UST: variants seen among roughly 807,000 people sequenced by gnomAD.
UST encodes chondroitin sulfate 2-O-sulfotransferase.
Under a neutral mutation model 45.6 loss-of-function variants are expected in UST, and 21 were observed. That is an observed-to-expected ratio of 0.46 (90% CI 0.33 to 0.66). The LOEUF (loss-of-function observed/expected upper bound fraction) is 0.66, where lower values mean the gene tolerates loss of function less well. UST is among the 30% of genes least tolerant of loss of function. The pLI is 0.02. For missense variants in UST, 463 were observed against 512.4 expected, an observed-to-expected ratio of 0.90 and a Z score of 0.93; for synonymous variants, 215 against 200.6, an observed-to-expected ratio of 1.07 and a Z score of -0.61.
chr6:148,957,500 C>T (rs1326703428), intron 4 of UST, among the ~76,000 whole-genome samples: 3 of 152,090 alleles, frequency 2.0e-5, no homozygotes, highest in African/African-American at 2.4e-5. Flanking sequence ...TGGAGTGCAG[C>T]GGTGCAATCT....
chr6:149,036,127 G>C (rs1776236700), intron 7 of UST, among the ~76,000 whole-genome samples: 1 of 152,196 alleles, frequency 6.6e-6, no homozygotes, highest in Admixed American at 6.5e-5. Flanking sequence ...AATCGGTATG[G>C]AGCCTCTGCC....
intron 7 of UST, among the ~76,000 whole-genome samples, chr6:149,070,663 CAT>C (rs957967863): frequency 3.5e-4 from 54 of 152,238 alleles, no homozygotes; most frequent in African/African-American, 1.3e-3. Context: ...TTGATACAGG[CAT>C]GCAATGCATA....
intron 7 of UST, among the ~76,000 whole-genome samples, chr6:149,030,828 A>C (rs1345297155): frequency 6.6e-6 from 1 of 152,152 alleles, no homozygotes; most frequent in African/African-American, 2.4e-5. Flanking sequence ...TTGAGAATAG[A>C]TCTGTTTGAC....
intron 2 of UST, among the ~76,000 whole-genome samples, chr6:148,888,129 G>A (rs1344852780): frequency 1.3e-5 from 2 of 152,280 alleles, no homozygotes; most frequent in East Asian, 3.9e-4. Context: ...GAGGCTTCAG[G>A]AAACTTTCAA....
chr6:148,819,250 A>G (rs1562267060), intron 1 of UST, among the ~76,000 whole-genome samples: 1 of 152,104 alleles, frequency 6.6e-6, no homozygotes, highest in Admixed American at 6.5e-5. Flanking sequence ...CAAAGCAAGT[A>G]TGGTTTAAAT....
chr6:148,937,579 C>A (rs992811), intron 2 of UST, among the ~76,000 whole-genome samples: 123 of 152,062 alleles, frequency 8.1e-4, no homozygotes, highest in African/African-American at 2.9e-3. Context: ...TGCTGATTAC[C>A]CAAACAATTC....
In UST at chr6:149,002,174, G is replaced by A. The variant is rs185586026; in HGVS notation, c.682-16965G>A. 6.8e-3 allele frequency among the ~76,000 whole-genome samples: 1,028 copies of A among 151,898 alleles called. 13 individuals are homozygous for A. Among genetic ancestry groups the A allele is most frequent in the Middle Eastern group, 0.049 (14 of 288 alleles). ...TTACAATGTTAAAAAAAAAATGTAA[G>A]GGTAAAATGTAATCCTTAGATTCTA... is the stretch of plus-strand genomic sequence containing the variant. On this transcript the variant is annotated intron_variant, in intron 5 of 7. Coordinates refer to ENST00000367463, the MANE Select transcript of UST (RefSeq NM_005715.3).
At chr6:148,861,303 C>T (rs1304457404) in intron 1 of UST, among the ~76,000 whole-genome samples, 2 of 152,124 alleles carry the variant, frequency 1.3e-5, no homozygotes, top group African/African-American at 4.8e-5. Flanking sequence ...TTATAGTATT[C>T]TCTGATGGTA....
intron 5 of UST, among the ~76,000 whole-genome samples, chr6:149,011,155 G>A (rs528272393): frequency 6.6e-6 from 1 of 152,276 alleles, no homozygotes; most frequent in South Asian, 2.1e-4. Context: ...GCAATGACGT[G>A]GAGGTCATGT....
intron 7 of UST, among the ~76,000 whole-genome samples, chr6:149,054,027 G>C (rs1205194933): frequency 6.6e-6 from 1 of 152,168 alleles, no homozygotes; most frequent in Non-Finnish European, 1.5e-5. Flanking sequence ...CACAATTTGA[G>C]AGCAGCTGTG....
chr6:148,941,529 G>T (rs1780125908), intron 3 of UST, 95 bp downstream of exon 3: 1 of 1,350,624 alleles, frequency 7.4e-7, no homozygotes, highest in East Asian at 2.4e-5. Context: ...GACTCCTGAT[G>T]AGTGAATACC....
chr6:148,895,411 A>G (rs1045894730), intron 2 of UST, among the ~76,000 whole-genome samples: 1 of 152,208 alleles, frequency 6.6e-6, no homozygotes, highest in African/African-American at 2.4e-5. Flanking sequence ...ACAGAGGGAC[A>G]TGAGAGCAAC....
At chr6:149,054,104 C>T (rs917321499) in intron 7 of UST, among the ~76,000 whole-genome samples, 5 of 151,746 alleles carry the variant, frequency 3.3e-5, no homozygotes, top group African/African-American at 4.8e-5. Flanking sequence ...CTTTGGACCT[C>T]GTGGGAAAAA....
At chr6:148,896,628 T>G (rs189722861) in intron 2 of UST, among the ~76,000 whole-genome samples, 2 of 152,348 alleles carry the variant, frequency 1.3e-5, no homozygotes, top group Admixed American at 1.3e-4. Context: ...TTTTCAACTT[T>G]TCAATTATTT....
intron 1 of UST, among the ~76,000 whole-genome samples, chr6:148,781,319 T>C (rs1459696045): frequency 2.0e-5 from 3 of 151,974 alleles, no homozygotes; most frequent in East Asian, 1.9e-4. Context: ...CCGAGAAAGT[T>C]TGAGTGGTCC....
intron 1 of UST, among the ~76,000 whole-genome samples, chr6:148,792,881 T>C (rs763648451): frequency 6.6e-6 from 1 of 152,222 alleles, no homozygotes; most frequent in Non-Finnish European, 1.5e-5. Flanking sequence ...ATCTAAACAT[T>C]CTTTAGAAAA....
At position 148,747,826 on chromosome 6, in the gene UST, C is replaced by G. The variant is rs554644269; in HGVS notation, c.247+149C>G. 44 of 1,100,796 alleles carry G rather than the reference C, an allele frequency of 4.0e-5. No individual in the cohort carries two copies. The Admixed American group carries it at 6.2e-4, about 15-fold the overall frequency. 68.2% of individuals were successfully genotyped at this position (1,100,796 alleles called of 1,614,324 possible). On this transcript the variant is annotated intron_variant, in intron 1 of 7. Coordinates refer to ENST00000367463, the MANE Select transcript of UST (RefSeq NM_005715.3). ...GTGCTAAGCCCGTGAGCATCTGTGC[C>G]GCGGTCGGGAGCGCCTTCTTCCTCC...
intron 5 of UST, among the ~76,000 whole-genome samples, chr6:148,977,706 C>T (rs890799504): frequency 9.7e-5 from 14 of 144,844 alleles, no homozygotes; most frequent in East Asian, 4.1e-4. Flanking sequence ...GAGCCAAGAT[C>T]GCGCCACTGT....
chr6:148,768,360 C>T (rs925343027), intron 1 of UST, among the ~76,000 whole-genome samples: 9 of 152,198 alleles, frequency 5.9e-5, no homozygotes, highest in Middle Eastern at 3.4e-3. Context: ...TCTAAGAGTT[C>T]TTTAGAGATG....
Sources: allele counts gnomAD v4.1 joint callset (sites outside exome capture counted in the v4.1 genomes callset), GRCh38; gene constraint gnomAD v4.1.1; transcripts MANE v1.5; gene names NCBI Gene and HGNC (gene_info 2026-07-23, HGNC 2026-07-21).